The following CADPS2 variants were observed in gnomAD, a reference collection of about 807,000 sequenced individuals.
The protein encoded by CADPS2 is calcium dependent secretion activator 2.
A neutral mutation model predicts 172.5 loss-of-function variants in CADPS2; 93 were observed. The ratio of observed to expected loss-of-function variants is 0.54; its 90% CI spans 0.46 to 0.64. The LOEUF (loss-of-function observed/expected upper bound fraction) is 0.64. CADPS2 is among the 30% of genes least tolerant of loss of function. The probability of loss-of-function intolerance (pLI) is 0.00; values close to 1 mark genes in which losing one functional copy is unlikely to be tolerated. For synonymous variants in CADPS2, 546 were observed against 555.2 expected (o/e 0.98, Z 0.23); for missense variants, 1,420 against 1,565.9 (o/e 0.91, Z 1.57).
chr7:122,478,914 G>A (rs2056993863), intron 12 of CADPS2, among the ~76,000 whole-genome samples: 1 of 152,070 alleles, frequency 6.6e-6, no homozygotes, highest in Non-Finnish European at 1.5e-5. Flanking sequence ...ATGTGCACAT[G>A]TACCCTAGAA....
chr7:122,697,717 A>G (rs2085338346), intron 2 of CADPS2: 6 of 1,169,182 alleles, frequency 5.1e-6, no homozygotes, highest in Non-Finnish European at 7.1e-6. Context: ...CTTCAAACAG[A>G]CAAACTGCTT....
At chr7:122,748,486 T>C (rs926166318) in intron 1 of CADPS2, among the ~76,000 whole-genome samples, 3 of 152,158 alleles carry the variant, frequency 2.0e-5, no homozygotes, top group Admixed American at 6.6e-5. Flanking sequence ...CAGACAACTG[T>C]GAGCCAGTGT....
In CADPS2 at chr7:122,608,364, A is replaced by T. The variant is rs184622620; in HGVS notation, c.1223+6817T>A. Among the ~76,000 whole-genome samples, 509 of 152,332 alleles carry T rather than the reference A, an allele frequency of 3.3e-3. 5 individuals are homozygous for T. Among genetic ancestry groups the T allele is most frequent in the African/African-American group, 0.012 (489 of 41,574 alleles). The stretch of plus-strand genomic sequence containing the variant: ...TTAAAATGGAAACTAATATGCTTTT[A>T]AAAAGCACGGTTAGATTATCTTGGT... On this transcript the variant is annotated intron_variant, in intron 6 of 29. Transcript: ENST00000449022.
At chr7:122,455,758 G>A (rs142340390) in intron 14 of CADPS2, among the ~76,000 whole-genome samples, 3,948 of 152,178 alleles carry the variant, frequency 0.026, 158 homozygotes, top group African/African-American at 0.09. Flanking sequence ...CCAGGCTGGA[G>A]TGCAGTGGCA....
At chr7:122,527,665 G>C (rs576671148) in intron 8 of CADPS2, among the ~76,000 whole-genome samples, 1 of 145,674 alleles carries the variant, frequency 6.9e-6, no homozygotes, top group South Asian at 2.2e-4. Context: ...TCCTGCAAGT[G>C]GTGGGCTTCC....
chr7:122,584,389 A>G (rs1435563298), intron 6 of CADPS2, among the ~76,000 whole-genome samples: 1 of 151,920 alleles, frequency 6.6e-6, no homozygotes, highest in Non-Finnish European at 1.5e-5. Flanking sequence ...TACTTATACA[A>G]AGTTGTAAAT....
At chr7:122,500,286 C>A (rs151242879) in intron 9 of CADPS2, among the ~76,000 whole-genome samples, 45 of 152,158 alleles carry the variant, frequency 3.0e-4, no homozygotes, top group Middle Eastern at 3.4e-3. Context: ...AAAATGGCTT[C>A]CACAGTGTGT....
At chr7:122,724,074 T>C (rs2090815360) in intron 2 of CADPS2, among the ~76,000 whole-genome samples, 1 of 151,742 alleles carries the variant, frequency 6.6e-6, no homozygotes, top group Admixed American at 6.6e-5. Context: ...ATATACCTAA[T>C]GTAAATGACG....
intron 2 of CADPS2, among the ~76,000 whole-genome samples, chr7:122,717,881 G>A (rs2089842134): frequency 6.6e-6 from 1 of 151,528 alleles, no homozygotes; most frequent in Admixed American, 6.6e-5. Flanking sequence ...ACAATCATAG[G>A]TCACTGCAGC....
intron 3 of CADPS2, among the ~76,000 whole-genome samples, chr7:122,633,855 T>C (rs553431645): frequency 1.3e-4 from 20 of 152,184 alleles, no homozygotes; most frequent in Non-Finnish European, 2.5e-4. Flanking sequence ...CTTATTTTTA[T>C]ATGTTTCTTC....
At chr7:122,691,846 G>T (rs1192475693) in intron 2 of CADPS2, among the ~76,000 whole-genome samples, 1 of 152,170 alleles carries the variant, frequency 6.6e-6, no homozygotes, top group Non-Finnish European at 1.5e-5. Context: ...AATGTCTCCA[G>T]GCATGGGAGA....
rs755399436 is a variant in CADPS2 at position 122,320,163 on chromosome 7, T to C, written c.*2A>G. ...TCCTTCCTTCTGCAAAGCTGTGTGA[T>C]ATCAGCCTTCTTCTTCTTCGTCACT... is the stretch of plus-strand genomic sequence containing the variant. On this transcript the variant is annotated 3_prime_UTR_variant, in exon 30 of 30. Coordinates refer to ENST00000449022, the MANE Select transcript of CADPS2 (RefSeq NM_017954.11). 27 of 1,597,470 alleles carry C rather than the reference T, an allele frequency of 1.7e-5. No individual in the cohort carries two copies. In the Admixed American group the frequency reaches 2.4e-4, roughly 14 times the overall value.
intron 3 of CADPS2, among the ~76,000 whole-genome samples, chr7:122,631,256 C>G (rs1257426128): frequency 6.6e-6 from 1 of 152,100 alleles, no homozygotes; most frequent in Non-Finnish European, 1.5e-5. Flanking sequence ...ATATTTTTCT[C>G]ACAGCTTCAA....
At chr7:122,643,842 G>A (rs1429375631) in intron 3 of CADPS2, among the ~76,000 whole-genome samples, 1 of 152,096 alleles carries the variant, frequency 6.6e-6, no homozygotes, top group Non-Finnish European at 1.5e-5. Flanking sequence ...TATAATCCCA[G>A]CATTTTAGGA....
At chr7:122,721,620 G>A (rs1486364993) in intron 2 of CADPS2, among the ~76,000 whole-genome samples, 4 of 152,100 alleles carry the variant, frequency 2.6e-5, no homozygotes, top group Non-Finnish European at 5.9e-5. Flanking sequence ...ACAAGGAGGA[G>A]CTGGTACCAT....
At chr7:122,367,211 C>T (rs1241185761) in intron 25 of CADPS2, among the ~76,000 whole-genome samples, 1 of 152,030 alleles carries the variant, frequency 6.6e-6, no homozygotes. Context: ...ATAATCTAGG[C>T]AGTCAGATCA....
intron 2 of CADPS2, among the ~76,000 whole-genome samples, chr7:122,699,424 T>C (rs2085673334): frequency 6.6e-6 from 1 of 152,104 alleles, no homozygotes; most frequent in Non-Finnish European, 1.5e-5. Flanking sequence ...AGGAGATATT[T>C]CCAACAAAAT....
At chr7:122,458,017 T>C (rs906104213) in intron 14 of CADPS2, among the ~76,000 whole-genome samples, 14 of 152,202 alleles carry the variant, frequency 9.2e-5, no homozygotes, top group African/African-American at 3.1e-4. Context: ...TGTAAAAGAT[T>C]ATTTCACAAG....
intron 2 of CADPS2, among the ~76,000 whole-genome samples, chr7:122,690,257 G>A (rs923318015): frequency 6.6e-6 from 1 of 152,190 alleles, no homozygotes; most frequent in African/African-American, 2.4e-5. Context: ...GCTGCCAAGG[G>A]CTTCTGCCCT....
Sources: gnomAD v4.1 joint callset for allele counts (sites outside exome capture counted in the v4.1 genomes callset) on GRCh38, gnomAD v4.1.1 for gene constraint, MANE v1.5 for transcripts, NCBI Gene and HGNC (gene_info 2026-07-23, HGNC 2026-07-21) for gene names.